Variants in NDST4 observed in about 807,000 individuals in gnomAD.
NDST4 encodes N-deacetylase and N-sulfotransferase 4.
In NDST4, 63 loss-of-function variants were observed where a neutral mutation model predicts 100.8. The ratio of observed to expected loss-of-function variants is 0.62; its 90% confidence interval spans 0.51 to 0.77. NDST4 has a LOEUF of 0.77. Ranked by LOEUF, NDST4 falls within the 30% of genes least tolerant of loss-of-function variation. The pLI is 0.00. For synonymous variants in NDST4, 377 were observed against 361.8 expected (o/e 1.04, Z -0.48); for missense variants, 943 against 1,018.4 (o/e 0.93, Z 1.01).
chr4:114,870,740 C>A, intron 7 of NDST4, 28 bp downstream of exon 7: 1 of 1,548,360 alleles, frequency 6.5e-7, no homozygotes, highest in Middle Eastern at 1.7e-4. Flanking sequence ...TCTTTCCTTC[C>A]ACCCCAAGAG....
In NDST4 at chr4:115,076,763, C is replaced by A. The variant is rs1166404014; in HGVS notation, c.274G>T (p.Gly92Cys). 2 of 1,613,794 alleles carry A rather than the reference C, an allele frequency of 1.2e-6. No homozygotes were observed. Among genetic ancestry groups the A allele is most frequent in the Non-Finnish European group, 1.7e-6 (2 of 1,179,938 alleles). ...LFVESQYSQLGQDIIAILESS... is the reference protein window; with the variant it reads ...LFVESQYSQLCQDIIAILESS... ...TCCAAAATAGCTATGATATCTTGAC[C>A]GAGTTGAGAGTATTGGCTCTCCACG... The change falls in exon 2 of 14, where the codon GGT becomes TGT. Residue 92 changes from glycine to cysteine, a missense_variant. By Grantham distance (159) the Gly-to-Cys change is radical. Coordinates refer to ENST00000264363, the MANE Select transcript of NDST4 (RefSeq NM_022569.3).
At chr4:114,859,932 C>T (rs1723882176) in intron 7 of NDST4, among the ~76,000 whole-genome samples, 1 of 152,174 alleles carries the variant, frequency 6.6e-6, no homozygotes, top group African/African-American at 2.4e-5. Context: ...GGGAACACTA[C>T]CTATGGCAAT....
intron 7 of NDST4, among the ~76,000 whole-genome samples, chr4:114,853,686 T>C (rs967275440): frequency 2.0e-5 from 3 of 152,234 alleles, no homozygotes; most frequent in African/African-American, 7.2e-5. Flanking sequence ...TTAAAAAACA[T>C]ATACCTTGGA....
At chr4:114,957,962 G>A (rs900526903) in intron 4 of NDST4, among the ~76,000 whole-genome samples, 4 of 152,218 alleles carry the variant, frequency 2.6e-5, no homozygotes, top group African/African-American at 9.6e-5. Flanking sequence ...CTTCCTGGCT[G>A]CTTTCACTGG....
At chr4:114,920,616 G>A (rs1725268191) in intron 6 of NDST4, among the ~76,000 whole-genome samples, 1 of 152,122 alleles carries the variant, frequency 6.6e-6, no homozygotes, top group Non-Finnish European at 1.5e-5. Context: ...TGTTTAAGGT[G>A]GTAATTTCCA....
intron 2 of NDST4, among the ~76,000 whole-genome samples, chr4:115,070,483 C>T (rs1351717440): frequency 6.6e-6 from 1 of 152,052 alleles, no homozygotes; most frequent in Non-Finnish European, 1.5e-5. Flanking sequence ...TATCTCTGAC[C>T]TAATTGATAG....
At chr4:114,986,793 C>CATACATACATATAT (rs1553959380) in intron 2 of NDST4, among the ~76,000 whole-genome samples, 5 of 91,148 alleles carry the variant, frequency 5.5e-5, no homozygotes, top group African/African-American at 2.3e-4. Context: ...TCCAATTATA[C>CATACATACATATAT]ATATATATAT....
At chr4:114,901,390 A>G (rs1724835107) in intron 6 of NDST4, among the ~76,000 whole-genome samples, 1 of 151,980 alleles carries the variant, frequency 6.6e-6, no homozygotes, top group Non-Finnish European at 1.5e-5. Context: ...GCCCCTTGTA[A>G]TCCCTGAATA....
chr4:114,833,015 C>T (rs576940662), intron 12 of NDST4, among the ~76,000 whole-genome samples: 5 of 152,296 alleles, frequency 3.3e-5, no homozygotes, highest in Admixed American at 1.3e-4. Context: ...ACATCATGAG[C>T]GAAGACAAGC....
At position 115,046,938 on chromosome 4, in the gene NDST4, C is replaced by T. The variant is rs150164395; in HGVS notation, c.978+29121G>A. ...TATATTTAAATATATTGCAGATAGCCTCAAAATTCATCCCAAGAACACTTT... is the reference window on the plus strand; with the variant it reads ...TATATTTAAATATATTGCAGATAGCTTCAAAATTCATCCCAAGAACACTTT... On this transcript the variant is annotated intron_variant, in intron 2 of 13. Coordinates refer to ENST00000264363, the MANE Select transcript of NDST4 (RefSeq NM_022569.3). Among the ~76,000 whole-genome samples, 1,286 of 151,926 alleles carry T rather than the reference C, an allele frequency of 8.5e-3. 10 individuals carry two copies. Among genetic ancestry groups the T allele is most frequent in the African/African-American group, 0.018 (739 of 41,364 alleles).
chr4:114,952,993 G>A (rs1560828230), intron 4 of NDST4, among the ~76,000 whole-genome samples: 1 of 151,512 alleles, frequency 6.6e-6, no homozygotes, highest in Non-Finnish European at 1.5e-5. Flanking sequence ...TAAGAAAACC[G>A]GGCACACAAG....
At chr4:114,929,241 G>C (rs919969869) in intron 6 of NDST4, among the ~76,000 whole-genome samples, 6 of 151,874 alleles carry the variant, frequency 4.0e-5, no homozygotes, top group Non-Finnish European at 5.9e-5. Context: ...ATGCAAGCCG[G>C]GAAGTAAGCT....
At chr4:114,895,277 A>G (rs547248317) in intron 6 of NDST4, among the ~76,000 whole-genome samples, 1 of 152,288 alleles carries the variant, frequency 6.6e-6, no homozygotes, top group African/African-American at 2.4e-5. Flanking sequence ...AATCAAATAG[A>G]CACAATTGAA....
Position 114,870,889 on chromosome 4 carries a change from A to G in NDST4, c.1598T>C (p.Phe533Ser). Residue 533 changes from phenylalanine (F) to serine (S), a missense_variant, in exon 7 of 14, where the codon TTT (phenylalanine) becomes TCT (serine). Coordinates refer to ENST00000264363, the MANE Select transcript of NDST4 (RefSeq NM_022569.3). ...CTGCACAAAGTTGACCAAGTTCACA[A>G]AGGTATATAACCCTAGGCGGTCATT... ...YGNDRLGLYTFVNLVNFVQSW... is the reference protein window; with the variant it reads ...YGNDRLGLYTSVNLVNFVQSW... 6.2e-7 allele frequency: 1 copy of G among 1,613,290 alleles called. No homozygotes were observed. Among genetic ancestry groups the G allele is most frequent in the Non-Finnish European group, 8.5e-7 (1 of 1,179,462 alleles).
At position 114,961,526 on chromosome 4, in the gene NDST4, T is replaced by A. The variant is rs372977638; in HGVS notation, c.1221+8904A>T. 4.4e-3 allele frequency among the ~76,000 whole-genome samples: 670 copies of A among 152,130 alleles called. 54 individuals carry two copies. The South Asian group carries it at 0.13, about 30-fold the overall frequency. ...ACTGGAGACAACACTATTGACCTTA[T>A]ACAAATAATAACTGCCATGAGGTAA... On this transcript the variant is annotated intron_variant, in intron 4 of 13. Transcript: ENST00000264363.
intron 6 of NDST4, among the ~76,000 whole-genome samples, chr4:114,924,932 CATTAA>C (rs1361859904): frequency 7.2e-5 from 11 of 152,006 alleles, no homozygotes; most frequent in South Asian, 2.1e-4. Context: ...ATACAGAATG[CATTAA>C]ATTATCATAT....
At chr4:115,048,457 G>T (rs1422511444) in intron 2 of NDST4, among the ~76,000 whole-genome samples, 1 of 151,956 alleles carries the variant, frequency 6.6e-6, no homozygotes. Flanking sequence ...AACATTTTAT[G>T]TTTACTAATT....
chr4:114,865,088 G>A (rs530368687), intron 7 of NDST4, among the ~76,000 whole-genome samples: 10 of 147,340 alleles, frequency 6.8e-5, no homozygotes, highest in South Asian at 2.1e-4. Context: ...TTTTTGAGAC[G>A]GAGTCTCACT....
intron 4 of NDST4, among the ~76,000 whole-genome samples, chr4:114,939,729 A>C (rs1462451339): frequency 6.6e-6 from 1 of 152,042 alleles, no homozygotes; most frequent in Non-Finnish European, 1.5e-5. Flanking sequence ...GTAGGAAGGA[A>C]GGGCAGTAAA....
Sources: gnomAD v4.1 joint callset for allele counts (sites outside exome capture counted in the v4.1 genomes callset) on GRCh38, gnomAD v4.1.1 for gene constraint, MANE v1.5 for transcripts, NCBI Gene and HGNC (gene_info 2026-07-23, HGNC 2026-07-21) for gene names.